ZNF219: variants seen among roughly 807,000 people sequenced by gnomAD.
The protein encoded by ZNF219 is zinc finger protein 219.
A neutral mutation model predicts 54.4 loss-of-function variants in ZNF219; 17 were observed. That is an observed-to-expected ratio of 0.31 (90% CI 0.21 to 0.47). The LOEUF (loss-of-function observed/expected upper bound fraction) is 0.47. Ranked by LOEUF, ZNF219 falls within the 20% of genes least tolerant of loss-of-function variation. ZNF219 has a pLI of 1.00. For missense variants in ZNF219, 1,014 were observed against 1,062.3 expected, an observed-to-expected ratio of 0.95 and a Z score of 0.63; for synonymous variants, 518 against 476.4, an observed-to-expected ratio of 1.09 and a Z score of -1.14.
chr14:21,094,419 C>T, intron 1 of ZNF219: 1 of 455,860 alleles, frequency 2.2e-6, no homozygotes, highest in South Asian at 1.5e-5. Flanking sequence ...TTGTTTCAAA[C>T]CTTGGAGCCT....
rs2139300400 is a variant in ZNF219 at position 21,092,143 on chromosome 14, C to G, written c.1154G>C (p.Arg385Pro). Residue 385 changes from arginine (R) to proline (P), a missense_variant, in exon 3 of 5, where the codon CGA becomes CCA. Arg to Pro is a moderately radical substitution (Grantham distance 103). This residue lies in a region of ZNF219 where 272 missense variants were observed against 248.9 expected (regional missense o/e 1.09). Transcript: ENST00000360947. ...PPSLLGYLSLRAGEGRPNGEG... is the reference protein window; with the variant it reads ...PPSLLGYLSLPAGEGRPNGEG... ...GCCGTTGGGCCGGCCCTCGCCAGCT[C>G]GCAGGCTCAGGTAGCCCAAGAGGCT... 2 of 1,490,306 alleles carry G rather than the reference C, an allele frequency of 1.3e-6. No individual in the cohort carries two copies. The highest frequency in any genetic ancestry group is 2.6e-5 in the South Asian group (2 of 76,448). 92.3% of individuals were successfully genotyped at this position (1,490,306 alleles called of 1,614,324 possible).
intron 1 of ZNF219, chr14:21,093,966 C>T (rs1257496401): frequency 5.1e-6 from 2 of 388,992 alleles, no homozygotes; most frequent in East Asian, 6.1e-5. Context: ...AAGACCATCA[C>T]AATATGCCCC....
chr14:21,090,425 C>T lies in ZNF219; in HGVS notation c.*111G>A. The stretch of plus-strand genomic sequence containing the variant: ...CCTTCCACCTCTGGTCCGCCTGGGG[C>T]TGGGATATGGGTCCCACGCTGCCCC... On this transcript the variant is annotated 3_prime_UTR_variant, in exon 5 of 5. Coordinates refer to ENST00000360947, the MANE Select transcript of ZNF219 (RefSeq NM_016423.3). The surrounding 1 kb of genome is among the most constrained non-coding windows in gnomAD (Gnocchi z 4.4). The T allele has an allele frequency of 7.1e-7, 1 of 1,407,898 alleles. No homozygotes were observed. 87.2% of individuals were successfully genotyped at this position (1,407,898 alleles called of 1,614,324 possible).
chr14:21,102,653 G>A, upstream of ZNF219: 4 of 1,551,498 alleles, frequency 2.6e-6, no homozygotes, highest in Non-Finnish European at 3.5e-6. Context: ...TGCTGGTGCT[G>A]GAACTCAGTG....
upstream of ZNF219, chr14:21,102,752 G>C (rs374138523): frequency 1.5e-5 from 23 of 1,550,946 alleles, no homozygotes; most frequent in African/African-American, 2.7e-4. Flanking sequence ...GCAGGAGCCA[G>C]AGTCTGCACT....
At chr14:21,094,457 T>C (rs1889166012) in intron 1 of ZNF219, 1 of 455,302 alleles carries the variant, frequency 2.2e-6, no homozygotes, top group Non-Finnish European at 4.4e-6. Context: ...CTGAGCCCCT[T>C]TGTCCAGGGC....
At chr14:21,091,334 C>A in intron 4 of ZNF219, 77 bp downstream of exon 4, 1 of 1,541,144 alleles carries the variant, frequency 6.5e-7, no homozygotes, top group South Asian at 1.2e-5. Context: ...ACAAACTTCA[C>A]CTCCTAGTGT....
rs374707232 is a variant in ZNF219 at position 21,090,691 on chromosome 14, G to T, written c.2014C>A (p.Arg672=). The T allele has an allele frequency of 3.1e-6, 5 of 1,611,290 alleles. No individual in the cohort carries two copies. The highest frequency in any genetic ancestry group is 3.4e-6 in the Non-Finnish European group (4 of 1,179,446). Residue 672 remains arginine (R), a synonymous_variant, in exon 5 of 5, where the codon CGG becomes AGG. Transcript: ENST00000360947. The surrounding 1 kb of genome is among the most constrained non-coding windows in gnomAD (Gnocchi z 4.4). ...TGGGGTGGCCGGCGGCCCCTAGCCC[G>T]GCGGCTGTGGTGCACTTGAAGGTGC... The part of the protein sequence containing the change: ...ALHLQVHHSR[R]ARGRRPPQAD...
chr14:21,101,278 TAGAC>T (rs909723351), upstream of ZNF219: 43 of 1,426,576 alleles, frequency 3.0e-5, no homozygotes, highest in African/African-American at 4.8e-4. Context: ...TGTCTCCTAA[TAGAC>T]AGAACCTATA....
upstream of ZNF219, chr14:21,102,354 G>A (rs1889693646): frequency 1.9e-6 from 3 of 1,540,888 alleles, no homozygotes; most frequent in Non-Finnish European, 1.8e-6. Context: ...TGGGGATTGA[G>A]GTTGGAATGA....
rs1195437629 is a variant in ZNF219 at position 21,092,863 on chromosome 14, G to A, written c.434C>T (p.Ala145Val). The change falls in exon 3 of 5, where the codon GCC becomes GTC. Residue 145 changes from alanine (A) to valine (V), a missense_variant. Transcript: ENST00000360947. ...CGCCAGACCCTCAGTGGCAGGGGTG[G>A]CCTGCATGCCCCCTGAGCTTCGGGC... is the stretch of plus-strand genomic sequence containing the variant. ...GRARSSGGMQ[A>V]TPATEGLARP... 3.2e-6 allele frequency: 5 copies of A among 1,553,340 alleles called. No individual in the cohort carries two copies. The Admixed American group carries it at 5.8e-5, about 18-fold the overall frequency.
chr14:21,092,994 G>T lies in ZNF219; in HGVS notation c.303C>A (p.Arg101=). The change falls in exon 3 of 5, where the codon CGC becomes CGA. Residue 101 remains arginine (R), a synonymous_variant. Coordinates refer to ENST00000360947, the MANE Select transcript of ZNF219 (RefSeq NM_016423.3). Reference sequence around the variant, plus strand: ...CGGGCTGGTGTGTGCGCAGGTGCGAGCGCAGCAGAGCCCGCTGCGCCGCGC... The same window carrying T: ...CGGGCTGGTGTGTGCGCAGGTGCGATCGCAGCAGAGCCCGCTGCGCCGCGC... ...GHRAAQRALL[R]SHLRTHQPER... 1 of 1,597,874 alleles carries T rather than the reference G, an allele frequency of 6.3e-7. No individual in the cohort carries two copies. The highest frequency in any genetic ancestry group is 8.5e-7 in the Non-Finnish European group (1 of 1,175,156).
Position 21,093,221 on chromosome 14 carries a change from G to A in ZNF219, c.76C>T (p.Leu26=), listed in dbSNP as rs1889075982. 1.2e-6 allele frequency: 2 copies of A among 1,604,284 alleles called. No individual in the cohort carries two copies. The highest frequency in any genetic ancestry group is 1.7e-6 in the Non-Finnish European group (2 of 1,179,252). ...GCTGGCCCGTTGGAGTATCGCTGCA[G>A]ATCCAGCTCGCCGTCGAAAGCCGGC... is the stretch of plus-strand genomic sequence containing the variant. ...SPPAFDGELD[L]QRYSNGPAVS... Residue 26 remains leucine (L), a synonymous_variant, in exon 3 of 5, where the codon CTG becomes TTG. Coordinates refer to ENST00000360947, the MANE Select transcript of ZNF219 (RefSeq NM_016423.3).
rs756059903 is a variant in ZNF219, at chr14:21,092,598, C to G, written c.699G>C (p.Gln233His). 4.3e-5 allele frequency: 43 copies of G among 990,394 alleles called. No homozygotes were observed. The highest frequency in any genetic ancestry group is 5.4e-4 in the Middle Eastern group (2 of 3,730). 61.4% of individuals were successfully genotyped at this position (990,394 alleles called of 1,614,324 possible). A position where few individuals can be genotyped will look rare whatever the true frequency, so the allele number is the denominator to read the frequency against. Residue 233 changes from glutamine (Q) to histidine (H), a missense_variant, in exon 3 of 5, where the codon CAG becomes CAC. Transcript: ENST00000360947. ...ATCTGGGTTCGGGCTGGGGTGGAGG[C>G]TGAGGCTGAGGCTGAGGCGGAGGCG... is the stretch of plus-strand genomic sequence containing the variant. ...SAAPPPQPQPQPPPQPEPRSV... is the reference protein window; with the variant it reads ...SAAPPPQPQPHPPPQPEPRSV...
At chr14:21,096,873 T>A (rs1340702136) in intron 1 of ZNF219, among the ~76,000 whole-genome samples, 1 of 152,204 alleles carries the variant, frequency 6.6e-6, no homozygotes, top group Non-Finnish European at 1.5e-5. Context: ...TCAAGTCTTG[T>A]GATTCAAAAG....
intron 1 of ZNF219, among the ~76,000 whole-genome samples, chr14:21,097,636 C>T (rs537593788): frequency 5.3e-5 from 8 of 152,242 alleles, no homozygotes; most frequent in Admixed American, 5.2e-4. Flanking sequence ...ACCCCAGACC[C>T]CTCCCCAGGA....
In ZNF219 at chr14:21,090,524, C is replaced by T. The variant is rs370670607; in HGVS notation, c.*12G>A. 3 of 1,580,170 alleles carry T rather than the reference C, an allele frequency of 1.9e-6. No individual in the cohort carries two copies. In the African/African-American group the frequency reaches 4.1e-5, roughly 21 times the overall value. On this transcript the variant is annotated 3_prime_UTR_variant, in exon 5 of 5. Transcript: ENST00000360947. This position sits in a 1 kb window ranked among gnomAD's most constrained non-coding sequence, Gnocchi z 4.4. ...GGGTAAGCTCACTAAGCTAATCGCC[C>T]CTGAGGGCCCACTACCGTTCTTGCC...
In ZNF219 at chr14:21,092,179, C is replaced by T. The variant is rs554406948; in HGVS notation, c.1118G>A (p.Arg373His). Residue 373 changes from arginine to histidine, a missense_variant, in exon 3 of 5, where the codon CGT becomes CAT. Around this residue, in one of 5 missense-constraint regions of ZNF219, gnomAD observed 272 missense variants for 248.9 expected, o/e 1.09. Coordinates refer to ENST00000360947, the MANE Select transcript of ZNF219 (RefSeq NM_016423.3). ...GTAGCCCAAGAGGCTCGGGGGCTCA[C>T]GGCGCTCGGCCGGGGTGGGAGCCGG... ...LAPAPTPAER[R>H]EPPSLLGYLS... is the part of the protein sequence containing the mutation. 7.9e-5 allele frequency: 114 copies of T among 1,441,510 alleles called. No homozygotes were observed. The East Asian group carries it at 1.7e-3, about 22-fold the overall frequency. The allele number at this position is 1,441,510 out of a possible 1,614,324, so 89.3% of individuals were successfully genotyped here.
chr14:21,103,067 A>G (rs1889748732), upstream of ZNF219: 7 of 1,549,320 alleles, frequency 4.5e-6, no homozygotes, highest in Non-Finnish European at 6.1e-6. Flanking sequence ...GGCAGGAGGA[A>G]GCAGTTGTTT....
Sources: allele counts gnomAD v4.1 joint callset (sites outside exome capture counted in the v4.1 genomes callset), GRCh38; gene constraint gnomAD v4.1.1; regional missense constraint gnomAD v4.1.1; non-coding constraint Gnocchi (gnomAD v3.1); transcripts MANE v1.5; gene names NCBI Gene and HGNC (gene_info 2026-07-23, HGNC 2026-07-21).